Variants in GABRG3 observed in about 807,000 individuals in gnomAD.
GABRG3 encodes the protein gamma-aminobutyric acid receptor subunit gamma-3.
GABRG3 carries 25 observed loss-of-function variants against 48.8 expected under a neutral mutation model. That is an observed-to-expected ratio of 0.51 (90% CI 0.37 to 0.72). The LOEUF is 0.72. GABRG3 is among the 30% of genes least tolerant of loss of function. The pLI is 0.00. For missense variants in GABRG3, 394 were observed against 577.9 expected (o/e 0.68, Z 3.26); for synonymous variants, 227 against 217.6 (o/e 1.04, Z -0.38).
intron 3 of GABRG3, among the ~76,000 whole-genome samples, chr15:27,255,200 A>G (rs1890574770): frequency 6.6e-6 from 1 of 152,190 alleles, no homozygotes; most frequent in Non-Finnish European, 1.5e-5. Context: ...TCCTCAGGCA[A>G]ACCTGGGGTG....
rs539609149 is a variant in GABRG3 at position 27,355,546 on chromosome 15, G to A, written c.574+26658G>A. On this transcript the variant is annotated intron_variant, in intron 5 of 9. Coordinates refer to ENST00000615808, the MANE Select transcript of GABRG3 (RefSeq NM_033223.5). ...AAATGTCAGGTGGTTCTGCTACTTCGGAAAACAGTTTGGCAGTTCCTCAAA... is the reference window on the plus strand; with the variant it reads ...AAATGTCAGGTGGTTCTGCTACTTCAGAAAACAGTTTGGCAGTTCCTCAAA... 3.9e-5 allele frequency among the ~76,000 whole-genome samples: 6 copies of A among 152,272 alleles called. No homozygotes were observed. The South Asian group carries it at 6.2e-4, about 16-fold the overall frequency.
chr15:27,480,934 A>G (rs56174531), intron 6 of GABRG3, 147 bp downstream of exon 6: 111,424 of 1,418,410 alleles, frequency 0.079, 11,015 homozygotes, highest in African/African-American at 0.48. Flanking sequence ...AAGTGAAACT[A>G]TGTTTTCATG....
intron 3 of GABRG3, among the ~76,000 whole-genome samples, chr15:27,308,615 G>A (rs543069259): frequency 5.4e-5 from 6 of 110,842 alleles, no homozygotes; most frequent in South Asian, 2.4e-4. Flanking sequence ...GTAAACATAC[G>A]CTTATATATA....
chr15:27,024,574 T>C (rs1895951666), intron 2 of GABRG3, among the ~76,000 whole-genome samples: 1 of 152,224 alleles, frequency 6.6e-6, no homozygotes, highest in Non-Finnish European at 1.5e-5. Context: ...GTTCCCTCAT[T>C]GAATGGTCTT....
At chr15:27,496,414 A>C (rs1890488908) in intron 6 of GABRG3, among the ~76,000 whole-genome samples, 1 of 152,132 alleles carries the variant, frequency 6.6e-6, no homozygotes. Flanking sequence ...GTCTTTACCT[A>C]GAGAGAATCA....
chr15:27,048,297 C>T (rs971234468), intron 3 of GABRG3, among the ~76,000 whole-genome samples: 10 of 150,800 alleles, frequency 6.6e-5, no homozygotes, highest in African/African-American at 1.9e-4. Context: ...CCAGCCCACC[C>T]TCTGATCCAG....
intron 3 of GABRG3, among the ~76,000 whole-genome samples, chr15:27,054,784 G>T (rs756961890): frequency 6.6e-6 from 1 of 152,104 alleles, no homozygotes. Context: ...TGTATCGAGC[G>T]GGGAGGAACA....
chr15:27,019,707 G>A (rs1895852800), intron 2 of GABRG3, among the ~76,000 whole-genome samples: 1 of 152,092 alleles, frequency 6.6e-6, no homozygotes, highest in African/African-American at 2.4e-5. Context: ...TTTAGGGAAA[G>A]GAAAGGGACA....
chr15:27,398,090 C>T (rs1283624923), intron 5 of GABRG3, among the ~76,000 whole-genome samples: 2 of 152,142 alleles, frequency 1.3e-5, no homozygotes, highest in Admixed American at 1.3e-4. Flanking sequence ...AGGTGTGAGC[C>T]ACTGTGCCCG....
chr15:27,113,843 A>C (rs1231839301), intron 3 of GABRG3, among the ~76,000 whole-genome samples: 3 of 152,220 alleles, frequency 2.0e-5, no homozygotes, highest in African/African-American at 7.2e-5. Flanking sequence ...TGGATGCCCT[A>C]AGGTGTAATT....
In GABRG3 at chr15:27,419,713, G is replaced by A. The variant is rs148005703; in HGVS notation, c.575-60937G>A. On this transcript the variant is annotated intron_variant, in intron 5 of 9. Coordinates refer to ENST00000615808, the MANE Select transcript of GABRG3 (RefSeq NM_033223.5). ...CTAAAGGAGAAAATACAGCTTTGAG[G>A]TAAGAGATGGTTAGCAGGTAGTCAG... Among the ~76,000 whole-genome samples, 900 of 152,250 alleles carry A rather than the reference G, an allele frequency of 5.9e-3. 7 individuals carry two copies. Among genetic ancestry groups the A allele is most frequent in the African/African-American group, 0.02 (847 of 41,544 alleles).
At chr15:27,206,639 T>G (rs1185584406) in intron 3 of GABRG3, among the ~76,000 whole-genome samples, 1 of 152,210 alleles carries the variant, frequency 6.6e-6, no homozygotes, top group African/African-American at 2.4e-5. Context: ...TCTAATACTG[T>G]CCGTTGGGGG....
intron 3 of GABRG3, among the ~76,000 whole-genome samples, chr15:27,290,630 CA>C (rs907765525): frequency 6.0e-4 from 92 of 152,188 alleles, no homozygotes; most frequent in African/African-American, 2.2e-3. Flanking sequence ...GGACATTCTA[CA>C]AAAGTCCTGA....
At chr15:27,150,322 T>C (rs915765980) in intron 3 of GABRG3, among the ~76,000 whole-genome samples, 3 of 152,210 alleles carry the variant, frequency 2.0e-5, no homozygotes, top group Non-Finnish European at 2.9e-5. Flanking sequence ...TTGAACCTTA[T>C]TGTGCTTGTG....
intron 3 of GABRG3, among the ~76,000 whole-genome samples, chr15:27,100,805 G>C (rs78269255): frequency 0.06 from 9,170 of 152,138 alleles, 464 homozygotes; most frequent in African/African-American, 0.14. Context: ...AGCAAACTAA[G>C]AATAGGGGAA....
intron 3 of GABRG3, among the ~76,000 whole-genome samples, chr15:27,300,202 C>G (rs1479095799): frequency 2.0e-5 from 3 of 152,094 alleles, no homozygotes; most frequent in Non-Finnish European, 2.9e-5. Context: ...TTAAGAAAAA[C>G]AGTCTTATGA....
intron 3 of GABRG3, among the ~76,000 whole-genome samples, chr15:27,033,914 G>A (rs546110431): frequency 6.4e-4 from 97 of 152,116 alleles, no homozygotes; most frequent in Middle Eastern, 6.8e-3. Context: ...TATGTCATCC[G>A]TGAATTCTCC....
chr15:27,072,954 T>C (rs1421006325), intron 3 of GABRG3, among the ~76,000 whole-genome samples: 1 of 152,184 alleles, frequency 6.6e-6, no homozygotes, highest in East Asian at 1.9e-4. Context: ...ACTGACCCTA[T>C]TTTCCAAATG....
At chr15:27,128,360 G>C (rs1237864899) in intron 3 of GABRG3, among the ~76,000 whole-genome samples, 1 of 152,128 alleles carries the variant, frequency 6.6e-6, no homozygotes, top group Non-Finnish European at 1.5e-5. Context: ...CTTCATGCAT[G>C]ATCAACCCAT....
Sources: allele counts gnomAD v4.1 joint callset (sites outside exome capture counted in the v4.1 genomes callset), GRCh38; gene constraint gnomAD v4.1.1; transcripts MANE v1.5; gene names NCBI Gene and HGNC (gene_info 2026-07-23, HGNC 2026-07-21).